CPAMD8: variants seen among roughly 807,000 people sequenced by gnomAD.
CPAMD8 encodes C3 and PZP like alpha-2-macroglobulin domain containing 8, also known as C3 and PZP-like alpha-2-macroglobulin domain-containing protein 8.
In CPAMD8, 146 loss-of-function variants were observed where a neutral mutation model predicts 224.7. The ratio of observed to expected loss-of-function variants is 0.65; its 90% CI spans 0.57 to 0.75. The LOEUF is 0.75. Among genes scored for constraint, CPAMD8 ranks in the 30% least tolerant of loss-of-function variants. CPAMD8 has a pLI of 0.00. For missense variants in CPAMD8, 2,301 were observed against 2,537.5 expected (o/e 0.91, Z 2.00); for synonymous variants, 966 against 1,044.6 (o/e 0.92, Z 1.45).
In CPAMD8 at chr19:17,026,786, G is replaced by T; in HGVS notation, c.-144C>A. ...CCGCGCAGTGCGCCCGGCGCCATGC[G>T]CCCCGCTCCGCGCCCGGCCAAGCTG... On this transcript the variant is annotated 5_prime_UTR_variant, in exon 1 of 42. Transcript: ENST00000443236. The T allele has an allele frequency of 1.8e-6, 2 of 1,106,762 alleles. No individual in the cohort carries two copies. Among genetic ancestry groups the T allele is most frequent in the Non-Finnish European group, 2.2e-6 (2 of 909,586 alleles). 68.6% of individuals were successfully genotyped at this position (1,106,762 alleles called of 1,614,324 possible). A position where few individuals can be genotyped will look rare whatever the true frequency, so the allele number is the denominator to read the frequency against.
At position 16,898,111 on chromosome 19, in the gene CPAMD8, C is replaced by A; in HGVS notation, c.4849-117G>T. ...CAGGACGCGTGAAACACAGAAGAAA[C>A]GTGATCCCATTTTCTTTTTTTCTTT... On this transcript the variant is annotated intron_variant, in intron 37 of 41. Transcript: ENST00000443236. The surrounding 1 kb of genome is among the most constrained non-coding windows in gnomAD (Gnocchi z 4.2). 4 of 646,168 alleles carry A rather than the reference C, an allele frequency of 6.2e-6. No homozygotes were observed. The highest frequency in any genetic ancestry group is 1.1e-5 in the Non-Finnish European group (4 of 376,630). 40.0% of individuals were successfully genotyped at this position (646,168 alleles called of 1,614,324 possible).
At chr19:16,951,933 A>T in intron 20 of CPAMD8, 36 bp downstream of exon 20, 1 of 1,316,170 alleles carries the variant, frequency 7.6e-7, no homozygotes, top group Non-Finnish European at 1.1e-6. Flanking sequence ...CTCCCCACTG[A>T]ATGGAGGAAG....
chr19:16,911,050 G>A (rs1180451158), intron 29 of CPAMD8, among the ~76,000 whole-genome samples: 1 of 152,182 alleles, frequency 6.6e-6, no homozygotes, highest in Non-Finnish European at 1.5e-5. Context: ...AATTTGTTAT[G>A]GCAGCCACAG....
intron 23 of CPAMD8, among the ~76,000 whole-genome samples, chr19:16,937,692 A>C (rs2122128229): frequency 7.5e-6 from 1 of 133,804 alleles, no homozygotes; most frequent in Admixed American, 8.7e-5. Context: ...TCGCTCTGTC[A>C]CCCAGGCTGG....
At chr19:17,010,938 G>A (rs142571373) in intron 5 of CPAMD8, among the ~76,000 whole-genome samples, 89 of 151,882 alleles carry the variant, frequency 5.9e-4, no homozygotes, top group African/African-American at 1.8e-3. Flanking sequence ...CAGGAGAATC[G>A]CTTGAACCCG....
At chr19:16,974,556 ACAAGTTCAAGTTACC>A (rs1427952127) in intron 17 of CPAMD8, among the ~76,000 whole-genome samples, 7 of 151,974 alleles carry the variant, frequency 4.6e-5, no homozygotes, top group Non-Finnish European at 1.0e-4. Context: ...ACGTCCCATC[ACAAGTTCAAGTTACC>A]CATTTGAACC....
chr19:16,932,938 C>T (rs2053587448), intron 23 of CPAMD8, among the ~76,000 whole-genome samples: 1 of 152,098 alleles, frequency 6.6e-6, no homozygotes, highest in African/African-American at 2.4e-5. Context: ...TTTTCTTTTA[C>T]TTTTTCTTTT....
chr19:16,916,915 C>A (rs867904434), intron 27 of CPAMD8, among the ~76,000 whole-genome samples: 4 of 152,240 alleles, frequency 2.6e-5, no homozygotes, highest in African/African-American at 7.2e-5. Flanking sequence ...CCATTACCAG[C>A]TATGCACACT....
At chr19:16,939,370 G>A (rs2053808747) in intron 22 of CPAMD8, among the ~76,000 whole-genome samples, 2 of 151,978 alleles carry the variant, frequency 1.3e-5, no homozygotes, top group South Asian at 2.1e-4. Flanking sequence ...ACCACGCCAA[G>A]CTAATTTTTT....
chr19:16,975,913 A>G, intron 16 of CPAMD8, 89 bp downstream of exon 16: 2 of 1,315,660 alleles, frequency 1.5e-6, no homozygotes, highest in Admixed American at 3.0e-5. Context: ...GCCACTCTTC[A>G]TTTATTGGAA....
Position 16,929,260 on chromosome 19 carries a change from T to C in CPAMD8, c.2846-20A>G, listed in dbSNP as rs900724111. The C allele has an allele frequency of 5.7e-6, 9 of 1,577,242 alleles. No homozygotes were observed. Among genetic ancestry groups the C allele is most frequent in the South Asian group, 2.3e-5 (2 of 87,506 alleles). On this transcript the variant is annotated intron_variant, in intron 23 of 41. Transcript: ENST00000443236. ...CTCTCTCTGGATGGAGGAAAGGAGA[T>C]GGGGAGTTGAGAGGGCACCTGGAGG...
At chr19:16,994,140 A>G (rs959525708) in intron 11 of CPAMD8, among the ~76,000 whole-genome samples, 8 of 152,180 alleles carry the variant, frequency 5.3e-5, no homozygotes, top group Non-Finnish European at 2.9e-5. Flanking sequence ...TTGCATCCCT[A>G]CCTCACACCA....
In CPAMD8 at chr19:17,002,224, G is replaced by A. The variant is rs1599883912; in HGVS notation, c.758+42C>T. 19 of 1,317,876 alleles carry A rather than the reference G, an allele frequency of 1.4e-5. No individual in the cohort carries two copies. In the East Asian group the frequency reaches 4.7e-4, roughly 32 times the overall value. 81.6% of individuals were successfully genotyped at this position (1,317,876 alleles called of 1,614,324 possible). A position where few individuals can be genotyped will look rare whatever the true frequency, so the allele number is the denominator to read the frequency against. On this transcript the variant is annotated intron_variant, in intron 9 of 41. Coordinates refer to ENST00000443236, the MANE Select transcript of CPAMD8 (RefSeq NM_015692.5). ...GAGCAGCGTGATGGTTGGGGAAGGG[G>A]AAGGGCCCCCCCAGTGTGCCCCAGG...
At chr19:16,970,518 G>A (rs1289248442) in intron 18 of CPAMD8, among the ~76,000 whole-genome samples, 1 of 152,002 alleles carries the variant, frequency 6.6e-6, no homozygotes, top group African/African-American at 2.4e-5. Context: ...CTGGGAGGTG[G>A]AGGTTGCAGG....
chr19:16,977,279 C>A, intron 15 of CPAMD8, 89 bp downstream of exon 15: 1 of 785,808 alleles, frequency 1.3e-6, no homozygotes, highest in Non-Finnish European at 2.2e-6. Flanking sequence ...CAACATGAGT[C>A]TCAGGTGTGC....
At chr19:17,011,417 C>A (rs113402605) in intron 5 of CPAMD8, 47 bp downstream of exon 5, 1 of 1,609,860 alleles carries the variant, frequency 6.2e-7, no homozygotes. Flanking sequence ...GCCAGGTAGT[C>A]CCAAGTGGGT....
intron 3 of CPAMD8, among the ~76,000 whole-genome samples, chr19:17,017,050 G>C (rs377469411): frequency 2.6e-5 from 4 of 152,134 alleles, no homozygotes; most frequent in African/African-American, 9.7e-5. Context: ...ACCTTCATCT[G>C]TATTTACAGC....
chr19:16,931,870 A>G (rs11882697), intron 23 of CPAMD8, among the ~76,000 whole-genome samples: 3,314 of 152,306 alleles, frequency 0.022, 123 homozygotes, highest in African/African-American at 0.076. Context: ...CTACACTACT[A>G]TACACATTCA....
Position 16,896,610 on chromosome 19 carries a change from G to A in CPAMD8, c.5121C>T (p.Ile1707=), listed in dbSNP as rs1278006516. ...AGTCGTGGTCGCAGCCGCATCGCGC[G>A]ATCGCCGCCCCCTCCTCAGGGGCCA... ...PAVAPEEGAA[I]ARCGCDHDCG... The change falls in exon 40 of 42, where the codon ATC becomes ATT. Residue 1707 remains isoleucine (I), a synonymous_variant. Transcript: ENST00000443236. 2.7e-6 allele frequency: 4 copies of A among 1,505,394 alleles called. No individual in the cohort carries two copies. The highest frequency in any genetic ancestry group is 1.4e-5 in the African/African-American group (1 of 70,702). The allele number at this position is 1,505,394 out of a possible 1,614,324, so 93.3% of individuals were successfully genotyped here. A position where few individuals can be genotyped will look rare whatever the true frequency, so the allele number is the denominator to read the frequency against.
Sources: gnomAD v4.1 joint callset for allele counts (sites outside exome capture counted in the v4.1 genomes callset) on GRCh38, gnomAD v4.1.1 for gene constraint, Gnocchi (gnomAD v3.1) non-coding constraint, MANE v1.5 for transcripts, NCBI Gene and HGNC (gene_info 2026-07-23, HGNC 2026-07-21) for gene names.